The following LCLAT1 variants were observed in gnomAD, a reference collection of about 807,000 sequenced individuals.
LCLAT1 encodes 1-AGP acyltransferase 8.
In LCLAT1, 11 loss-of-function variants were observed where a neutral mutation model predicts 30.7. The observed-to-expected ratio is 0.36, with a 90% CI of 0.23 to 0.59. The LOEUF is 0.59. LCLAT1 is among the 20% of genes least tolerant of loss of function. The pLI is 0.77. For missense variants in LCLAT1, 402 were observed against 458.6 expected, an observed-to-expected ratio of 0.88 and a Z score of 1.13; for synonymous variants, 155 against 151.3, an observed-to-expected ratio of 1.02 and a Z score of -0.18.
In LCLAT1 at chr2:30,612,011, A is replaced by G. The variant is rs1364749213; in HGVS notation, c.629-28106A>G. 2.0e-5 allele frequency among the ~76,000 whole-genome samples: 3 copies of G among 152,128 alleles called. No individual in the cohort carries two copies. In the East Asian group the frequency reaches 5.8e-4, roughly 29 times the overall value. ...TGTCCTGTGGATAGAAAGAAAAAAA[A>G]TAGCACAGTAGAAAATGAAGCTTTC... On this transcript the variant is annotated intron_variant, in intron 5 of 5. Transcript: ENST00000379509.
intron 1 of LCLAT1, among the ~76,000 whole-genome samples, chr2:30,506,749 T>C (rs1263725998): frequency 6.6e-6 from 1 of 152,178 alleles, no homozygotes; most frequent in Non-Finnish European, 1.5e-5. Flanking sequence ...CCTTGTAGAT[T>C]GCACAGAAAG....
At chr2:30,538,386 T>C (rs1020908178) in intron 3 of LCLAT1, among the ~76,000 whole-genome samples, 2 of 152,190 alleles carry the variant, frequency 1.3e-5, no homozygotes, top group African/African-American at 4.8e-5. Context: ...GCAGTGCTCA[T>C]GGCTTTACCA....
chr2:30,476,429 T>A (rs1432432412), intron 1 of LCLAT1: 2 of 456,712 alleles, frequency 4.4e-6, no homozygotes, highest in South Asian at 3.1e-5. Context: ...AATTATCTCC[T>A]GATTTCCACC....
chr2:30,537,400 A>G (rs1026551306), intron 3 of LCLAT1, among the ~76,000 whole-genome samples: 2 of 151,886 alleles, frequency 1.3e-5, no homozygotes, highest in African/African-American at 4.8e-5. Flanking sequence ...AAAAAAAAAA[A>G]GATAGACTTC....
chr2:30,572,787 T>C (rs1456092501), intron 5 of LCLAT1, among the ~76,000 whole-genome samples: 2 of 151,938 alleles, frequency 1.3e-5, no homozygotes, highest in African/African-American at 2.4e-5. Flanking sequence ...TGAAAAAATA[T>C]ATATAAAGGA....
At chr2:30,496,245 A>G (rs1003344133) in intron 1 of LCLAT1, among the ~76,000 whole-genome samples, 1 of 152,142 alleles carries the variant, frequency 6.6e-6, no homozygotes, top group African/African-American at 2.4e-5. Flanking sequence ...AACATTGGGG[A>G]TTGCAATTCA....
chr2:30,559,035 A>G (rs191439650), intron 3 of LCLAT1, among the ~76,000 whole-genome samples: 49 of 152,316 alleles, frequency 3.2e-4, no homozygotes, highest in African/African-American at 1.2e-3. Flanking sequence ...TGGCATTGCA[A>G]AGAAGAAAAT....
intron 1 of LCLAT1, chr2:30,459,727 G>A: frequency 6.3e-7 from 1 of 1,599,482 alleles, no homozygotes. Context: ...CTTTGGGTAA[G>A]TCTTTGTAAT....
intron 3 of LCLAT1, among the ~76,000 whole-genome samples, chr2:30,561,303 GTA>G (rs2148439938): frequency 6.6e-6 from 1 of 152,218 alleles, no homozygotes; most frequent in Non-Finnish European, 1.5e-5. Flanking sequence ...CCATTTGACT[GTA>G]TCCTACCAAC....
In LCLAT1 at chr2:30,573,887, C is replaced by T. The variant is rs190877360; in HGVS notation, c.628+5711C>T. Among the ~76,000 whole-genome samples the T allele has an allele frequency of 1.3e-3, 205 of 152,106 alleles. 1 individual carries two copies. The highest frequency in any genetic ancestry group is 5.9e-4 in the Non-Finnish European group (40 of 67,996). ...GTCAATGTAATTTTATACCGTGTTCCAATAAAGATTTAAAATGGCTAACAT... is the reference window on the plus strand; with the variant it reads ...GTCAATGTAATTTTATACCGTGTTCTAATAAAGATTTAAAATGGCTAACAT... On this transcript the variant is annotated intron_variant, in intron 5 of 5. Coordinates refer to ENST00000379509, the MANE Select transcript of LCLAT1 (RefSeq NM_001002257.3).
At chr2:30,470,789 T>C (rs1404211832) in intron 1 of LCLAT1, among the ~76,000 whole-genome samples, 2 of 152,222 alleles carry the variant, frequency 1.3e-5, no homozygotes, top group Non-Finnish European at 2.9e-5. Context: ...GGCTTTTCCA[T>C]TTCTGCAAAA....
At chr2:30,575,720 G>T (rs571162723) in intron 5 of LCLAT1, among the ~76,000 whole-genome samples, 1 of 152,138 alleles carries the variant, frequency 6.6e-6, no homozygotes, top group South Asian at 2.1e-4. Context: ...AAATGAATAA[G>T]GTCTTGGCAT....
intron 3 of LCLAT1, among the ~76,000 whole-genome samples, chr2:30,559,601 A>G (rs573226520): frequency 6.6e-6 from 1 of 152,254 alleles, no homozygotes; most frequent in South Asian, 2.1e-4. Flanking sequence ...CCTTTTTATT[A>G]TTATAGATAA....
intron 1 of LCLAT1, among the ~76,000 whole-genome samples, chr2:30,457,351 A>G (rs1681884262): frequency 6.6e-6 from 1 of 152,218 alleles, no homozygotes; most frequent in African/African-American, 2.4e-5. Flanking sequence ...AACCTAACAA[A>G]AGGATTACTG....
chr2:30,597,567 T>C (rs1471020980), intron 5 of LCLAT1, among the ~76,000 whole-genome samples: 1 of 152,218 alleles, frequency 6.6e-6, no homozygotes, highest in African/African-American at 2.4e-5. Flanking sequence ...ATTTTCTAGA[T>C]ACAGGATCAT....
At chr2:30,548,572 T>C (rs569019246) in intron 3 of LCLAT1, among the ~76,000 whole-genome samples, 12 of 152,196 alleles carry the variant, frequency 7.9e-5, no homozygotes, top group Admixed American at 2.6e-4. Context: ...TGCAGAGGAA[T>C]CTCTCAGATA....
At chr2:30,614,597 G>A (rs1175413262) in intron 5 of LCLAT1, among the ~76,000 whole-genome samples, 1 of 152,062 alleles carries the variant, frequency 6.6e-6, no homozygotes, top group Non-Finnish European at 1.5e-5. Flanking sequence ...TGGGGGAAAG[G>A]CCAAAAAGCA....
intron 1 of LCLAT1, among the ~76,000 whole-genome samples, chr2:30,449,373 A>T (rs753046546): frequency 1.2e-4 from 18 of 152,332 alleles, no homozygotes; most frequent in Non-Finnish European, 2.1e-4. Context: ...ATCATGGTTT[A>T]TTCCATTGGC....
At chr2:30,555,509 A>G (rs1219854801) in intron 3 of LCLAT1, among the ~76,000 whole-genome samples, 1 of 152,156 alleles carries the variant, frequency 6.6e-6, no homozygotes, top group Non-Finnish European at 1.5e-5. Context: ...CTGTTGCAGT[A>G]AAATAGTATT....
Sources: allele counts gnomAD v4.1 joint callset (sites outside exome capture counted in the v4.1 genomes callset), GRCh38; gene constraint gnomAD v4.1.1; transcripts MANE v1.5; gene names NCBI Gene and HGNC (gene_info 2026-07-23, HGNC 2026-07-21).